PRUNE2: variants seen among roughly 807,000 people sequenced by gnomAD.
The protein encoded by PRUNE2 is protein prune homolog 2.
Under a neutral mutation model 252.0 loss-of-function variants are expected in PRUNE2, and 164 were observed. The ratio of observed to expected loss-of-function variants is 0.65; its 90% CI spans 0.57 to 0.74. The LOEUF (loss-of-function observed/expected upper bound fraction) is 0.74. Among genes scored for constraint, PRUNE2 ranks in the 30% least tolerant of loss-of-function variants. The probability of loss-of-function intolerance (pLI) is 0.00; values close to 1 mark genes in which losing one functional copy is unlikely to be tolerated. For synonymous variants in PRUNE2, 1,292 were observed against 1,350.2 expected (o/e 0.96, Z 0.94); for missense variants, 3,495 against 3,711.0 (o/e 0.94, Z 1.51).
chr9:76,746,925 G>C (rs2050177691), intron 6 of PRUNE2, among the ~76,000 whole-genome samples: 1 of 152,144 alleles, frequency 6.6e-6, no homozygotes, highest in Admixed American at 6.5e-5. Flanking sequence ...ATGGGTAAAT[G>C]TAAGTGTTTC....
In PRUNE2 at chr9:76,873,588, G is replaced by A. The variant is rs1393610441; in HGVS notation, c.37-19380C>T. Among the ~76,000 whole-genome samples the A allele has an allele frequency of 2.0e-5, 3 of 152,226 alleles. No homozygotes were observed. The East Asian group carries it at 5.8e-4, about 30-fold the overall frequency. On this transcript the variant is annotated intron_variant, in intron 1 of 18. Coordinates refer to ENST00000376718, the MANE Select transcript of PRUNE2 (RefSeq NM_015225.3). Reference sequence around the variant, plus strand: ...ATTGTGTGCCTCTTGGCTCTTTCGGGCTCCCAACAGCGCGTCTTCCTCTCA... The same window carrying A: ...ATTGTGTGCCTCTTGGCTCTTTCGGACTCCCAACAGCGCGTCTTCCTCTCA...
chr9:76,904,228 C>G (rs572381810), intron 1 of PRUNE2, among the ~76,000 whole-genome samples: 5 of 151,932 alleles, frequency 3.3e-5, no homozygotes, highest in African/African-American at 1.2e-4. Context: ...GCTTCTCTTT[C>G]CTGTCCTTTT....
At chr9:76,768,710 T>G (rs2052744999) in intron 6 of PRUNE2, among the ~76,000 whole-genome samples, 1 of 151,934 alleles carries the variant, frequency 6.6e-6, no homozygotes. Context: ...AATTTATGGT[T>G]TACCTCACCT....
rs971991424 is a variant in PRUNE2 at position 76,890,336 on chromosome 9, G to A, written c.36+15592C>T. On this transcript the variant is annotated intron_variant, in intron 1 of 18. Transcript: ENST00000376718. ...GGGGGAGTGATAAGGATAAGAAGTG[G>A]TGTAAAGATATTTTGAGGAAATGGG... is the stretch of plus-strand genomic sequence containing the variant. 3.2e-4 allele frequency among the ~76,000 whole-genome samples: 49 copies of A among 152,202 alleles called. 1 individual carries two copies. Among genetic ancestry groups the A allele is most frequent in the Admixed American group, 2.6e-3 (40 of 15,278 alleles).
intron 6 of PRUNE2, among the ~76,000 whole-genome samples, chr9:76,811,504 T>G (rs1355601023): frequency 2.0e-5 from 3 of 152,172 alleles, no homozygotes; most frequent in Non-Finnish European, 4.4e-5. Flanking sequence ...TCAAAGGCAA[T>G]GAATGAAGAT....
intron 12 of PRUNE2, among the ~76,000 whole-genome samples, chr9:76,639,915 T>C (rs1220122844): frequency 6.6e-6 from 1 of 152,222 alleles, no homozygotes; most frequent in Non-Finnish European, 1.5e-5. Context: ...AATTGCCCTG[T>C]CTTTTAAGTA....
At chr9:76,783,294 G>A (rs558721572) in intron 6 of PRUNE2, among the ~76,000 whole-genome samples, 136 of 152,124 alleles carry the variant, frequency 8.9e-4, no homozygotes, top group Non-Finnish European at 1.6e-3. Context: ...GCACCAGCAC[G>A]CCCAGCTAAT....
chr9:76,805,257 AG>A (rs2056853672), intron 6 of PRUNE2, among the ~76,000 whole-genome samples: 3 of 152,150 alleles, frequency 2.0e-5, no homozygotes, highest in African/African-American at 7.2e-5. Context: ...AGCCTGTCCT[AG>A]CCCGACTCCT....
At chr9:76,775,080 G>T (rs1229561796) in intron 6 of PRUNE2, among the ~76,000 whole-genome samples, 6 of 152,038 alleles carry the variant, frequency 3.9e-5, no homozygotes, top group Admixed American at 2.6e-4. Context: ...AAAAAAATTT[G>T]CCCTGTTACT....
At chr9:76,735,419 CTT>C (rs34406993) in intron 6 of PRUNE2, among the ~76,000 whole-genome samples, 35,233 of 133,026 alleles carry the variant, frequency 0.26, 4,407 homozygotes, top group East Asian at 0.47. Flanking sequence ...TTTCTTTCTT[CTT>C]TTTTTTTTTT....
At chr9:76,614,705 T>C in intron 18 of PRUNE2, 105 bp from the exon 19 acceptor site, 1 of 822,750 alleles carries the variant, frequency 1.2e-6, no homozygotes, top group Non-Finnish European at 1.9e-6. Context: ...AAGGACATAC[T>C]GAAAATATTT....
chr9:76,815,552 CA>C (rs368349033), intron 6 of PRUNE2, among the ~76,000 whole-genome samples: 1 of 152,172 alleles, frequency 6.6e-6, no homozygotes, highest in African/African-American at 2.4e-5. Context: ...ATGATCCAAT[CA>C]CCTCCCTAGT....
intron 6 of PRUNE2, among the ~76,000 whole-genome samples, chr9:76,791,621 CACCAATTATTATTGGTACAATAATACTGT>C (rs2055556596): frequency 6.1e-5 from 8 of 131,084 alleles, no homozygotes; most frequent in African/African-American, 1.4e-4. Flanking sequence ...AATAATACTG[CACCAATTATTATTGGTACAATAATACTGT>C]ACCAATAATA....
chr9:76,881,750 T>A (rs1158027024), intron 1 of PRUNE2, among the ~76,000 whole-genome samples: 1 of 151,962 alleles, frequency 6.6e-6, no homozygotes, highest in African/African-American at 2.4e-5. Flanking sequence ...GCCTCCCGAG[T>A]AGCTGGGACT....
intron 6 of PRUNE2, among the ~76,000 whole-genome samples, chr9:76,820,671 G>A (rs959002610): frequency 6.6e-6 from 1 of 152,128 alleles, no homozygotes; most frequent in African/African-American, 2.4e-5. Flanking sequence ...AACAGCTAAC[G>A]ACTTTGCAAA....
intron 4 of PRUNE2, among the ~76,000 whole-genome samples, chr9:76,840,740 G>A (rs1324284081): frequency 6.6e-6 from 1 of 152,134 alleles, no homozygotes; most frequent in Non-Finnish European, 1.5e-5. Context: ...CAGCACTTTG[G>A]GAGGCTGAGG....
intron 4 of PRUNE2, among the ~76,000 whole-genome samples, chr9:76,830,062 A>G (rs1589445543): frequency 6.6e-6 from 1 of 152,338 alleles, no homozygotes; most frequent in East Asian, 1.9e-4. Flanking sequence ...AAAACTGTCA[A>G]TTTAATAACT....
At chr9:76,859,103 G>T (rs1281355160) in intron 1 of PRUNE2, among the ~76,000 whole-genome samples, 4 of 151,958 alleles carry the variant, frequency 2.6e-5, no homozygotes, top group Non-Finnish European at 5.9e-5. Flanking sequence ...ATACAAAATG[G>T]AATATGATAA....
intron 18 of PRUNE2, among the ~76,000 whole-genome samples, chr9:76,615,772 T>TTTTG (rs1172142586): frequency 3.7e-5 from 5 of 136,042 alleles, no homozygotes; most frequent in African/African-American, 5.5e-5. Context: ...GTGTGTGGTT[T>TTTTG]TTTTTTTTTT....
Sources: allele counts gnomAD v4.1 joint callset (sites outside exome capture counted in the v4.1 genomes callset), GRCh38; gene constraint gnomAD v4.1.1; transcripts MANE v1.5; gene names NCBI Gene and HGNC (gene_info 2026-07-23, HGNC 2026-07-21).